The following TRPM3 variants were observed in gnomAD, a reference collection of about 807,000 sequenced individuals.
The protein encoded by TRPM3 is transient receptor potential cation channel subfamily M member 3, also known as long transient receptor potential channel 3.
Under a neutral mutation model 181.2 loss-of-function variants are expected in TRPM3, and 77 were observed. That is an observed-to-expected ratio of 0.42 (90% CI 0.35 to 0.51). TRPM3 has a LOEUF of 0.51. Ranked by LOEUF, TRPM3 falls within the 20% of genes least tolerant of loss-of-function variation. The probability of loss-of-function intolerance (pLI) is 0.01; values close to 1 mark genes in which losing one functional copy is unlikely to be tolerated. For synonymous variants in TRPM3, 745 were observed against 796.4 expected (o/e 0.94, Z 1.09); for missense variants, 1,759 against 2,196.7 (o/e 0.80, Z 3.98).
chr9:70,797,839 C>T (rs1320508619), intron 6 of TRPM3, among the ~76,000 whole-genome samples: 1 of 152,086 alleles, frequency 6.6e-6, no homozygotes, highest in Non-Finnish European at 1.5e-5. Flanking sequence ...GAACCCAGAC[C>T]CTGAAGATGT....
chr9:70,989,671 T>C (rs572374598), intron 1 of TRPM3, among the ~76,000 whole-genome samples: 78 of 152,352 alleles, frequency 5.1e-4, no homozygotes, highest in Middle Eastern at 6.8e-3. Flanking sequence ...TTAAGCTTTA[T>C]ATGTTGTTCA....
intron 9 of TRPM3, among the ~76,000 whole-genome samples, chr9:70,656,638 T>C (rs932334341): frequency 6.6e-6 from 1 of 152,136 alleles, no homozygotes. Flanking sequence ...ATAATCTAGG[T>C]AAACAAAATA....
At chr9:70,885,518 T>C (rs2096070156) in intron 1 of TRPM3, among the ~76,000 whole-genome samples, 1 of 152,228 alleles carries the variant, frequency 6.6e-6, no homozygotes, top group Admixed American at 6.5e-5. Context: ...CCACATTTTC[T>C]GGCTTGTCTA....
At chr9:70,925,302 A>G (rs1190802500) in intron 1 of TRPM3, among the ~76,000 whole-genome samples, 2 of 152,178 alleles carry the variant, frequency 1.3e-5, no homozygotes, top group Non-Finnish European at 2.9e-5. Flanking sequence ...GATGGAAACA[A>G]TGTGTGTTCG....
At chr9:70,748,014 A>G (rs1186400268) in intron 8 of TRPM3, among the ~76,000 whole-genome samples, 1 of 152,176 alleles carries the variant, frequency 6.6e-6, no homozygotes, top group Non-Finnish European at 1.5e-5. Flanking sequence ...TCATAGTTAA[A>G]CATTTATTTT....
intron 1 of TRPM3, among the ~76,000 whole-genome samples, chr9:70,905,569 G>A (rs2096452620): frequency 6.6e-6 from 1 of 152,122 alleles, no homozygotes; most frequent in South Asian, 2.1e-4. Flanking sequence ...ACATACTACT[G>A]TATAGACAGG....
chr9:70,556,688 C>T (rs1290494861), intron 22 of TRPM3, among the ~76,000 whole-genome samples: 1 of 152,136 alleles, frequency 6.6e-6, no homozygotes, highest in African/African-American at 2.4e-5. Context: ...TGTCACTGGA[C>T]TCTAGCCTTG....
At chr9:71,439,426 T>G (rs1171391209) in intron 1 of TRPM3, among the ~76,000 whole-genome samples, 2 of 152,238 alleles carry the variant, frequency 1.3e-5, no homozygotes, top group Non-Finnish European at 2.9e-5. Flanking sequence ...TTAATGTTCA[T>G]AAGTCATCCT....
At chr9:70,847,686 G>T (rs2095035102) in intron 3 of TRPM3, among the ~76,000 whole-genome samples, 1 of 152,146 alleles carries the variant, frequency 6.6e-6, no homozygotes, top group African/African-American at 2.4e-5. Context: ...ATGCACAGAA[G>T]AAGATGGCAA....
At chr9:71,415,647 T>G (rs1267560256) in intron 1 of TRPM3, among the ~76,000 whole-genome samples, 2 of 152,034 alleles carry the variant, frequency 1.3e-5, no homozygotes, top group African/African-American at 4.8e-5. Context: ...CATTATATCC[T>G]TAACACGGAA....
intron 19 of TRPM3, among the ~76,000 whole-genome samples, chr9:70,609,596 C>T (rs558179892): frequency 6.6e-6 from 1 of 152,326 alleles, no homozygotes; most frequent in South Asian, 2.1e-4. Flanking sequence ...TGCTGTAAAA[C>T]ATGCTACCTG....
At position 70,535,843 on chromosome 9, in the gene TRPM3, T is replaced by C. The variant is rs2041580894; in HGVS notation, c.*110A>G. ...ACACCTCCCAAAGCATTGCTTGTTTTGCTCAGCTAAGAATAAAGCAGGTAT... is the reference window on the plus strand; with the variant it reads ...ACACCTCCCAAAGCATTGCTTGTTTCGCTCAGCTAAGAATAAAGCAGGTAT... On this transcript the variant is annotated 3_prime_UTR_variant, in exon 26 of 26. Coordinates refer to ENST00000677713, the MANE Select transcript of TRPM3 (RefSeq NM_001366145.2). 6.6e-7 allele frequency: 1 copy of C among 1,508,806 alleles called. No individual in the cohort carries two copies. Among genetic ancestry groups the C allele is most frequent in the East Asian group, 2.3e-5 (1 of 44,042 alleles). The allele number at this position is 1,508,806 out of a possible 1,614,324, so 93.5% of individuals were successfully genotyped here.
intron 1 of TRPM3, among the ~76,000 whole-genome samples, chr9:71,271,631 A>AAG (rs2083799152): frequency 6.6e-6 from 1 of 151,734 alleles, no homozygotes; most frequent in Non-Finnish European, 1.5e-5. Flanking sequence ...AGAAGAAGAA[A>AAG]AAAAAAAAGC....
At chr9:70,990,278 G>A (rs1001219115) in intron 1 of TRPM3, among the ~76,000 whole-genome samples, 1 of 152,102 alleles carries the variant, frequency 6.6e-6, no homozygotes, top group Non-Finnish European at 1.5e-5. Context: ...AAAATGTACA[G>A]GCATGAAACA....
chr9:71,219,067 G>A (rs1022812746), intron 1 of TRPM3, among the ~76,000 whole-genome samples: 9 of 152,276 alleles, frequency 5.9e-5, no homozygotes, highest in African/African-American at 2.2e-4. Flanking sequence ...CATATCAACC[G>A]GTGGTTTCAT....
chr9:71,391,297 G>T (rs1419390301), intron 1 of TRPM3, among the ~76,000 whole-genome samples: 1 of 151,958 alleles, frequency 6.6e-6, no homozygotes. Context: ...ATAAAAAGAT[G>T]AAGTGACTTG....
At chr9:70,798,559 T>C (rs931507079) in intron 6 of TRPM3, among the ~76,000 whole-genome samples, 4 of 152,236 alleles carry the variant, frequency 2.6e-5, no homozygotes, top group African/African-American at 9.6e-5. Context: ...TCCACTTAAC[T>C]GTAAGTAAGC....
At chr9:71,075,113 T>G (rs2063284626) in intron 1 of TRPM3, among the ~76,000 whole-genome samples, 1 of 152,138 alleles carries the variant, frequency 6.6e-6, no homozygotes, top group South Asian at 2.1e-4. Context: ...TTGTTTTGTT[T>G]TCTGATTTGT....
intron 20 of TRPM3, 24 bp from the exon 21 acceptor site, chr9:70,598,694 A>G (rs4744605): frequency 0.79 from 1,261,920 of 1,607,366 alleles, 496,637 homozygotes; most frequent in Admixed American, 0.86. Context: ...AGGAGAGCAG[A>G]GTTAGGTCTG....
Sources: gnomAD v4.1 joint callset for allele counts (sites outside exome capture counted in the v4.1 genomes callset) on GRCh38, gnomAD v4.1.1 for gene constraint, MANE v1.5 for transcripts, NCBI Gene and HGNC (gene_info 2026-07-23, HGNC 2026-07-21) for gene names.